Variants in DNTT observed in about 807,000 individuals in gnomAD.
DNTT encodes the protein DNA nucleotidylexotransferase.
Under a neutral mutation model 60.9 loss-of-function variants are expected in DNTT, and 47 were observed. The observed-to-expected ratio is 0.77, with a 90% CI of 0.61 to 0.98. DNTT has a LOEUF of 0.98. DNTT is among the 50% of genes least tolerant of loss of function. The pLI is 0.00. For missense variants in DNTT, 665 were observed against 627.5 expected, an observed-to-expected ratio of 1.06 and a Z score of -0.64; for synonymous variants, 224 against 221.2, an observed-to-expected ratio of 1.01 and a Z score of -0.11.
At position 96,318,479 on chromosome 10, in the gene DNTT, A is replaced by G. The variant is rs1844819355; in HGVS notation, c.331A>G (p.Ile111Val). Residue 111 changes from isoleucine (I) to valine (V), a missense_variant, in exon 2 of 11, where the codon ATA (isoleucine) becomes GTA (valine). Coordinates refer to ENST00000371174, the MANE Select transcript of DNTT (RefSeq NM_004088.4). Reference protein sequence around the residue: ...LLDVSWLIECIRAGKPVEMTG... With the variant: ...LLDVSWLIECVRAGKPVEMTG... Reference sequence around the variant, plus strand: ...CGATGTCTCCTGGCTGATCGAATGCATAAGAGCAGGGAAACCGGTGGAAAT... The same window carrying G: ...CGATGTCTCCTGGCTGATCGAATGCGTAAGAGCAGGGAAACCGGTGGAAAT... 3 of 1,613,934 alleles carry G rather than the reference A, an allele frequency of 1.9e-6. No individual in the cohort carries two copies. The highest frequency in any genetic ancestry group is 1.7e-6 in the Non-Finnish European group (2 of 1,179,858).
chr10:96,325,494 T>A (rs1043706427), intron 6 of DNTT, among the ~76,000 whole-genome samples: 1 of 152,220 alleles, frequency 6.6e-6, no homozygotes, highest in Non-Finnish European at 1.5e-5. Flanking sequence ...GGCAATATAG[T>A]GTTTCATTTG....
intron 1 of DNTT, among the ~76,000 whole-genome samples, chr10:96,306,092 AT>A (rs66877330): frequency 0.19 from 25,153 of 131,364 alleles, 2,575 homozygotes; most frequent in East Asian, 0.53. Flanking sequence ...AAAAAAATAG[AT>A]TTTTTTTTTT....
intron 9 of DNTT, among the ~76,000 whole-genome samples, chr10:96,332,893 T>A (rs548197825): frequency 6.2e-4 from 95 of 152,294 alleles, no homozygotes; most frequent in Non-Finnish European, 1.1e-3. Context: ...CAAATCAGCA[T>A]CTCTGGGGAT....
At position 96,332,444 on chromosome 10, in the gene DNTT, T is replaced by C; in HGVS notation, c.1207T>C (p.Cys403Arg). The C allele has an allele frequency of 6.2e-7, 1 of 1,614,178 alleles. No homozygotes were observed. The highest frequency in any genetic ancestry group is 1.1e-5 in the South Asian group (1 of 91,084). ...KVDALDHFQK[C>R]FLIFKLPRQR... The stretch of plus-strand genomic sequence containing the variant: ...TGATGCTTTGGATCATTTTCAAAAG[T>C]GCTTTCTGATTTTCAAATTGCCTCG... Residue 403 changes from cysteine to arginine, a missense_variant, in exon 9 of 11, where the codon TGC (cysteine) becomes CGC (arginine). Coordinates refer to ENST00000371174, the MANE Select transcript of DNTT (RefSeq NM_004088.4).
Position 96,338,283 on chromosome 10 carries a change from A to G in DNTT, c.*59A>G, listed in dbSNP as rs1845096911. 1 of 1,512,906 alleles carries G rather than the reference A, an allele frequency of 6.6e-7. No homozygotes were observed. Among genetic ancestry groups the G allele is most frequent in the Non-Finnish European group, 9.1e-7 (1 of 1,104,008 alleles). The allele number at this position is 1,512,906 out of a possible 1,614,324, so 93.7% of individuals were successfully genotyped here. A position where few individuals can be genotyped will look rare whatever the true frequency, so the allele number is the denominator to read the frequency against. ...TCAAGTTAAATAAATTATGCTTCAT[A>G]TTAGTAAAAGATGCCATAGGAGAGT... is the stretch of plus-strand genomic sequence containing the variant. On this transcript the variant is annotated 3_prime_UTR_variant, in exon 11 of 11. Transcript: ENST00000371174.
intron 1 of DNTT, among the ~76,000 whole-genome samples, chr10:96,310,225 T>C (rs1436282844): frequency 1.3e-5 from 2 of 152,190 alleles, no homozygotes; most frequent in Non-Finnish European, 2.9e-5. Context: ...GGGGCCTCTT[T>C]CCTATTGCCA....
rs77410731 is a variant in DNTT, at chr10:96,312,435, C to T, written c.204-5917C>T. 7.7e-4 allele frequency among the ~76,000 whole-genome samples: 117 copies of T among 152,274 alleles called. 1 individual carries two copies. The East Asian group carries it at 0.02, about 26-fold the overall frequency. On this transcript the variant is annotated intron_variant, in intron 1 of 10. Coordinates refer to ENST00000371174, the MANE Select transcript of DNTT (RefSeq NM_004088.4). The stretch of plus-strand genomic sequence containing the variant: ...TGGGACCCCAGAGCCTCATGTAAGA[C>T]ATTGGCGCCTCCTCTTAGACCACAT...
At chr10:96,335,487 C>A (rs1845056583) in intron 9 of DNTT, among the ~76,000 whole-genome samples, 1 of 152,220 alleles carries the variant, frequency 6.6e-6, no homozygotes, top group African/African-American at 2.4e-5. Context: ...TTCCCTGACT[C>A]CTCCATCCTC....
chr10:96,322,758 A>G, intron 5 of DNTT, 30 bp downstream of exon 5: 1 of 1,549,600 alleles, frequency 6.5e-7, no homozygotes, highest in Non-Finnish European at 8.8e-7. Flanking sequence ...TTTATTGAAA[A>G]TTGTTTTTCA....
chr10:96,330,287 G>A (rs1362213303), intron 8 of DNTT, among the ~76,000 whole-genome samples: 2 of 147,612 alleles, frequency 1.4e-5, no homozygotes, highest in African/African-American at 5.0e-5. Flanking sequence ...CCAAGTGACA[G>A]TTTACTGTTA....
Position 96,320,734 on chromosome 10 carries a change from G to T in DNTT, c.624G>T (p.Met208Ile). 6.2e-7 allele frequency: 1 copy of T among 1,613,878 alleles called. No individual in the cohort carries two copies. Among genetic ancestry groups the T allele is most frequent in the South Asian group, 1.1e-5 (1 of 91,068 alleles). Residue 208 changes from methionine to isoleucine, a missense_variant, in exon 4 of 11, where the codon ATG becomes ATT. By Grantham distance (10) the Met-to-Ile change is conservative. Coordinates refer to ENST00000371174, the MANE Select transcript of DNTT (RefSeq NM_004088.4). ...CTCTGCCATTCACAATCATCAGTAT[G>T]AAGGACACAGAAGGAATTCCCTGCC... ...LKSLPFTIIS[M>I]KDTEGIPCLG...
At chr10:96,306,369 G>C (rs1223137881) in intron 1 of DNTT, 1 of 152,222 alleles carries the variant, frequency 6.6e-6, no homozygotes, top group Non-Finnish European at 1.5e-5. Flanking sequence ...TGGGATTACA[G>C]GCATGAGCCA....
chr10:96,327,998 T>C (rs1844958705), intron 7 of DNTT, among the ~76,000 whole-genome samples: 1 of 152,204 alleles, frequency 6.6e-6, no homozygotes, highest in African/African-American at 2.4e-5. Flanking sequence ...TTGATCCACA[T>C]AGTTACAGTG....
chr10:96,316,102 G>A (rs1258612724), intron 1 of DNTT, among the ~76,000 whole-genome samples: 1 of 152,014 alleles, frequency 6.6e-6, no homozygotes, highest in Non-Finnish European at 1.5e-5. Flanking sequence ...CTTCAAATGC[G>A]GCATGCCTGA....
chr10:96,337,622 TA>T (rs1564876551), intron 10 of DNTT, among the ~76,000 whole-genome samples: 1 of 152,216 alleles, frequency 6.6e-6, no homozygotes, highest in Non-Finnish European at 1.5e-5. Context: ...TGCTTGGTCT[TA>T]AAGAGATCAC....
Position 96,328,767 on chromosome 10 carries a change from C to T in DNTT, c.1050C>T (p.Ser350=), listed in dbSNP as rs201092394. ...ATGATGTAGATTTTTTAATTACCAG[C>T]CCAGGATCAACAGAGGATGAAGAGC... ...MGHDVDFLIT[S]PGSTEDEEQL... is the part of the protein sequence containing the mutation. Residue 350 remains serine, a synonymous_variant, in exon 8 of 11, where the codon AGC becomes AGT. Coordinates refer to ENST00000371174, the MANE Select transcript of DNTT (RefSeq NM_004088.4). The T allele has an allele frequency of 6.2e-6, 10 of 1,613,716 alleles. No individual in the cohort carries two copies. Among genetic ancestry groups the T allele is most frequent in the Non-Finnish European group, 8.5e-6 (10 of 1,179,860 alleles).
chr10:96,322,536 C>T, intron 4 of DNTT, 121 bp from the exon 5 acceptor site: 1 of 591,986 alleles, frequency 1.7e-6, no homozygotes, highest in East Asian at 3.0e-5. Context: ...AGGGAAATAC[C>T]CCTGCATGTG....
intron 6 of DNTT, among the ~76,000 whole-genome samples, chr10:96,325,535 C>T (rs1026519061): frequency 6.6e-6 from 1 of 152,184 alleles, no homozygotes; most frequent in African/African-American, 2.4e-5. Context: ...ACGTCCAGTG[C>T]TCTCAGGATC....
At chr10:96,320,922 CCTCTCTCTCTCCTCTGTCT>C (rs886822714) in intron 4 of DNTT, 134 bp downstream of exon 4, 2 of 984,136 alleles carry the variant, frequency 2.0e-6, no homozygotes, top group African/African-American at 1.8e-5. Flanking sequence ...TATACATATT[CCTCTCTCTCTCCTCTGTCT>C]CTCTCTCTCT....
Sources: gnomAD v4.1 joint callset for allele counts (sites outside exome capture counted in the v4.1 genomes callset) on GRCh38, gnomAD v4.1.1 for gene constraint, MANE v1.5 for transcripts, NCBI Gene and HGNC (gene_info 2026-07-23, HGNC 2026-07-21) for gene names.